PTPRO: variants seen among roughly 807,000 people sequenced by gnomAD.
PTPRO encodes the protein protein tyrosine phosphatase receptor type O.
PTPRO carries 62 observed loss-of-function variants against 145.2 expected under a neutral mutation model. The ratio of observed to expected loss-of-function variants is 0.43; its 90% CI spans 0.35 to 0.53. The LOEUF is 0.53. Ranked by LOEUF, PTPRO falls within the 20% of genes least tolerant of loss-of-function variation. The pLI, the probability that PTPRO is intolerant of heterozygous loss-of-function variation, is 0.01. For synonymous variants in PTPRO, 565 were observed against 514.7 expected (o/e 1.10, Z -1.32); for missense variants, 1,345 against 1,482.7 (o/e 0.91, Z 1.53).
chr12:15,462,667 T>G (rs1030327323), intron 1 of PTPRO, among the ~76,000 whole-genome samples: 2 of 152,204 alleles, frequency 1.3e-5, no homozygotes, highest in South Asian at 4.1e-4. Context: ...TCTACTTCCA[T>G]TGTTGATTAA....
At chr12:15,556,552 T>C (rs887046673) in intron 15 of PTPRO, among the ~76,000 whole-genome samples, 3 of 151,868 alleles carry the variant, frequency 2.0e-5, no homozygotes, top group Admixed American at 1.3e-4. Context: ...AGCAGATTAA[T>C]AGGCCACATT....
chr12:15,579,651 T>C (rs964598293), intron 20 of PTPRO, among the ~76,000 whole-genome samples: 28 of 152,216 alleles, frequency 1.8e-4, no homozygotes, highest in African/African-American at 6.5e-4. Context: ...GCATCTTCTG[T>C]TCTCTAGGTC....
intron 1 of PTPRO, among the ~76,000 whole-genome samples, chr12:15,374,373 C>T (rs1281750010): frequency 2.6e-5 from 4 of 151,782 alleles, no homozygotes; most frequent in Non-Finnish European, 5.9e-5. Context: ...TGAAAATTAG[C>T]CAAATACATG....
At chr12:15,337,388 C>T (rs1866800203) in intron 1 of PTPRO, 1 of 152,130 alleles carries the variant, frequency 6.6e-6, no homozygotes, top group South Asian at 2.1e-4. Context: ...GGAACACTTC[C>T]GAGAGTGAAG....
intron 1 of PTPRO, among the ~76,000 whole-genome samples, chr12:15,388,546 C>A (rs1412240317): frequency 6.6e-6 from 1 of 152,118 alleles, no homozygotes; most frequent in Admixed American, 6.5e-5. Flanking sequence ...AGTGTCTGAG[C>A]AGAATAGACC....
chr12:15,450,341 C>G (rs1429011030), intron 1 of PTPRO, among the ~76,000 whole-genome samples: 1 of 152,246 alleles, frequency 6.6e-6, no homozygotes, highest in Non-Finnish European at 1.5e-5. Flanking sequence ...TTCCCATTCT[C>G]TATTCAGATC....
intron 1 of PTPRO, among the ~76,000 whole-genome samples, chr12:15,359,967 T>C (rs1237534610): frequency 6.6e-6 from 1 of 152,202 alleles, no homozygotes; most frequent in Non-Finnish European, 1.5e-5. Flanking sequence ...ACCCAGAGCC[T>C]TTGCTTTTCC....
chr12:15,579,374 A>C (rs1166439105), intron 20 of PTPRO, among the ~76,000 whole-genome samples: 3 of 152,222 alleles, frequency 2.0e-5, no homozygotes, highest in Non-Finnish European at 4.4e-5. Context: ...AGCAGCATTC[A>C]AGGAAAAAAA....
intron 12 of PTPRO, among the ~76,000 whole-genome samples, chr12:15,532,247 G>T (rs1485128180): frequency 6.6e-6 from 1 of 151,912 alleles, no homozygotes; most frequent in Non-Finnish European, 1.5e-5. Flanking sequence ...TTATAATATT[G>T]AATAATTTAT....
chr12:15,415,850 A>G (rs995692568), intron 1 of PTPRO, among the ~76,000 whole-genome samples: 2 of 151,814 alleles, frequency 1.3e-5, no homozygotes, highest in Non-Finnish European at 2.9e-5. Flanking sequence ...TGTCAGGAAG[A>G]AGAGAGCAAA....
intron 1 of PTPRO, among the ~76,000 whole-genome samples, chr12:15,387,448 G>A (rs1939060954): frequency 6.6e-6 from 1 of 152,188 alleles, no homozygotes; most frequent in African/African-American, 2.4e-5. Context: ...AGAACACAAT[G>A]CCATTCCTCA....
chr12:15,477,503 A>T (rs532411654), intron 1 of PTPRO, among the ~76,000 whole-genome samples: 214 of 145,624 alleles, frequency 1.5e-3, no homozygotes, highest in Admixed American at 2.7e-3. Flanking sequence ...AAGTATAATT[A>T]AAAAAAAATG....
At chr12:15,524,444 C>G (rs1591685135) in intron 10 of PTPRO, among the ~76,000 whole-genome samples, 1 of 152,156 alleles carries the variant, frequency 6.6e-6, no homozygotes, top group Non-Finnish European at 1.5e-5. Context: ...TTTAATCCTA[C>G]TTGGCTAATA....
intron 1 of PTPRO, among the ~76,000 whole-genome samples, chr12:15,385,857 A>G (rs534682539): frequency 1.4e-4 from 21 of 151,342 alleles, no homozygotes; most frequent in African/African-American, 5.1e-4. Context: ...GACAGATGCT[A>G]GATAGATAGA....
intron 1 of PTPRO, among the ~76,000 whole-genome samples, chr12:15,380,656 A>T (rs908083316): frequency 6.6e-6 from 1 of 152,136 alleles, no homozygotes; most frequent in African/African-American, 2.4e-5. Flanking sequence ...TTTGGTTTGG[A>T]ATCTGATGAG....
intron 1 of PTPRO, among the ~76,000 whole-genome samples, chr12:15,432,754 T>A (rs890177214): frequency 1.3e-5 from 2 of 152,224 alleles, no homozygotes; most frequent in African/African-American, 4.8e-5. Context: ...TAATAATCAG[T>A]GATGCTGAGC....
chr12:15,567,778 T>A (rs1417916033), intron 18 of PTPRO, among the ~76,000 whole-genome samples: 1 of 152,144 alleles, frequency 6.6e-6, no homozygotes, highest in Non-Finnish European at 1.5e-5. Flanking sequence ...GAACCAGGAC[T>A]TACTCTCCCT....
intron 12 of PTPRO, among the ~76,000 whole-genome samples, chr12:15,538,975 T>C (rs1338886296): frequency 6.6e-6 from 1 of 152,180 alleles, no homozygotes; most frequent in African/African-American, 2.4e-5. Flanking sequence ...ATTCCATACC[T>C]GAGTTCAGAA....
chr12:15,473,415 A>G (rs1403737849), intron 1 of PTPRO, among the ~76,000 whole-genome samples: 3 of 152,158 alleles, frequency 2.0e-5, no homozygotes, highest in Non-Finnish European at 4.4e-5. Context: ...CATCCGGTGA[A>G]CGTAATTACC....
Sources: allele counts gnomAD v4.1 joint callset (sites outside exome capture counted in the v4.1 genomes callset), GRCh38; gene constraint gnomAD v4.1.1; transcripts MANE v1.5; gene names NCBI Gene and HGNC (gene_info 2026-07-23, HGNC 2026-07-21).